The following CD247 variants were observed in gnomAD, a reference collection of about 807,000 sequenced individuals.
CD247 encodes the protein T-cell surface glycoprotein CD3 zeta chain.
Under a neutral mutation model 30.0 loss-of-function variants are expected in CD247, and 13 were observed. The ratio of observed to expected loss-of-function variants is 0.43; its 90% CI spans 0.28 to 0.69. The LOEUF (loss-of-function observed/expected upper bound fraction) is 0.69. Among genes scored for constraint, CD247 ranks in the 30% least tolerant of loss-of-function variants. The pLI is 0.16. For synonymous variants in CD247, 72 were observed against 80.0 expected, an observed-to-expected ratio of 0.90 and a Z score of 0.53; for missense variants, 193 against 212.6, an observed-to-expected ratio of 0.91 and a Z score of 0.57.
intron 1 of CD247, among the ~76,000 whole-genome samples, chr1:167,470,806 T>C (rs1343478894): frequency 6.6e-6 from 1 of 151,892 alleles, no homozygotes; most frequent in African/African-American, 2.4e-5. Flanking sequence ...TGATTTTTAG[T>C]ATTATAGTGC....
chr1:167,433,161 G>A (rs1651360024), intron 6 of CD247, 102 bp from the exon 7 acceptor site: 6 of 1,185,518 alleles, frequency 5.1e-6, no homozygotes, highest in Non-Finnish European at 7.6e-6. Context: ...GGAAGTCAGA[G>A]GTAACTGTCT....
At chr1:167,517,648 G>A (rs372927716) in intron 1 of CD247, among the ~76,000 whole-genome samples, 101 of 152,334 alleles carry the variant, frequency 6.6e-4, no homozygotes, top group Middle Eastern at 3.4e-3. Context: ...CATCTGCCCC[G>A]TGTTCTGTCA....
chr1:167,452,411 C>G (rs376495402), intron 1 of CD247, among the ~76,000 whole-genome samples: 1 of 104,668 alleles, frequency 9.6e-6, no homozygotes, highest in African/African-American at 4.1e-5. Flanking sequence ...AAGACTCTAT[C>G]AAAAAAAAAA....
At chr1:167,444,053 C>A (rs1651961049) in intron 1 of CD247, among the ~76,000 whole-genome samples, 2 of 152,222 alleles carry the variant, frequency 1.3e-5, no homozygotes, top group Non-Finnish European at 2.9e-5. Flanking sequence ...ACTTCTCTTG[C>A]CACTTACTAG....
intron 1 of CD247, among the ~76,000 whole-genome samples, chr1:167,491,972 C>T (rs181665137): frequency 4.6e-5 from 7 of 151,968 alleles, no homozygotes; most frequent in Non-Finnish European, 8.8e-5. Context: ...TGGGAGGAGG[C>T]GGGAATGGGG....
At chr1:167,486,737 G>A (rs1654224835) in intron 1 of CD247, among the ~76,000 whole-genome samples, 1 of 152,188 alleles carries the variant, frequency 6.6e-6, no homozygotes, top group Non-Finnish European at 1.5e-5. Context: ...CCACTTATGC[G>A]GGCCACTGCA....
At chr1:167,517,165 G>C (rs1213396726) in intron 1 of CD247, among the ~76,000 whole-genome samples, 1 of 152,208 alleles carries the variant, frequency 6.6e-6, no homozygotes. Context: ...ACCCCACAAG[G>C]CTTTTCTGAG....
In CD247 at chr1:167,497,036, G is replaced by A. The variant is rs548901527; in HGVS notation, c.58+21372C>T. 3.9e-5 allele frequency among the ~76,000 whole-genome samples: 6 copies of A among 152,322 alleles called. No individual in the cohort carries two copies. The East Asian group carries it at 1.2e-3, about 29-fold the overall frequency. ...TGAGCACAGATGTATGCACAGGAAT[G>A]TCCACAGTGACACTATTCATAATGC... On this transcript the variant is annotated intron_variant, in intron 1 of 7. Transcript: ENST00000362089.
In CD247 at chr1:167,435,442, A is replaced by G. The variant is rs777362511; in HGVS notation, c.301-8T>C. On this transcript the variant is annotated splice_polypyrimidine_tract_variant and splice_region_variant and intron_variant, in intron 4 of 7. Transcript: ENST00000362089. Reference sequence around the variant, plus strand: ...AGGGTTCTTCCTTCTCTGCTAGGAAAGACAACGGGAAGACGTTAGAGGGAG... The same window carrying G: ...AGGGTTCTTCCTTCTCTGCTAGGAAGGACAACGGGAAGACGTTAGAGGGAG... 4 of 1,610,654 alleles carry G rather than the reference A, an allele frequency of 2.5e-6. No homozygotes were observed. In the South Asian group the frequency reaches 4.4e-5, roughly 18 times the overall value.
At chr1:167,501,260 T>C (rs1654895661) in intron 1 of CD247, among the ~76,000 whole-genome samples, 1 of 151,956 alleles carries the variant, frequency 6.6e-6, no homozygotes, top group Non-Finnish European at 1.5e-5. Context: ...GGTTTCTCCA[T>C]GTTGGCCAGG....
At chr1:167,459,003 C>A (rs1652862888) in intron 1 of CD247, among the ~76,000 whole-genome samples, 1 of 151,324 alleles carries the variant, frequency 6.6e-6, no homozygotes, top group Non-Finnish European at 1.5e-5. Flanking sequence ...AGCACTGTGG[C>A]GTGCGCCTGT....
In CD247 at chr1:167,431,751, C is replaced by T. The variant is rs767214938; in HGVS notation, c.430-5G>A. The T allele has an allele frequency of 4.4e-5, 71 of 1,613,604 alleles. No homozygotes were observed. The East Asian group carries it at 7.4e-4, about 17-fold the overall frequency. ...CTTGGTGGCTGTACTGAGACCCTGG[C>T]GTGAAAGCAAATCAGAAAACAAAGA... On this transcript the variant is annotated splice_polypyrimidine_tract_variant and splice_region_variant and intron_variant, in intron 7 of 7. Coordinates refer to ENST00000362089, the MANE Select transcript of CD247 (RefSeq NM_198053.3).
At chr1:167,446,585 A>G (rs1652088559) in intron 1 of CD247, among the ~76,000 whole-genome samples, 1 of 152,172 alleles carries the variant, frequency 6.6e-6, no homozygotes, top group African/African-American at 2.4e-5. Context: ...GAGTGACAGC[A>G]GGGGATGGCC....
chr1:167,506,708 A>G (rs781086138), intron 1 of CD247, among the ~76,000 whole-genome samples: 1 of 152,134 alleles, frequency 6.6e-6, no homozygotes, highest in Non-Finnish European at 1.5e-5. Context: ...TACACTTTAC[A>G]TGAGAGATGC....
intron 4 of CD247, among the ~76,000 whole-genome samples, chr1:167,438,277 C>T (rs149854153): frequency 1.3e-5 from 2 of 152,184 alleles, no homozygotes; most frequent in Non-Finnish European, 2.9e-5. Context: ...ATGGCGTCAC[C>T]GTATGTGCAT....
chr1:167,495,737 C>T (rs995971782), intron 1 of CD247, among the ~76,000 whole-genome samples: 1 of 152,200 alleles, frequency 6.6e-6, no homozygotes, highest in African/African-American at 2.4e-5. Flanking sequence ...CATACCACCT[C>T]TTTGCAGTTC....
intron 1 of CD247, among the ~76,000 whole-genome samples, chr1:167,483,941 G>A (rs772484388): frequency 1.3e-5 from 2 of 152,274 alleles, no homozygotes; most frequent in African/African-American, 2.4e-5. Context: ...GCTGGCTGCA[G>A]TGGTAGCAGG....
chr1:167,461,424 G>A (rs184463553), intron 1 of CD247, among the ~76,000 whole-genome samples: 1 of 152,340 alleles, frequency 6.6e-6, no homozygotes, highest in East Asian at 1.9e-4. Flanking sequence ...AAAGAGACTG[G>A]AAGAAATTAC....
intron 1 of CD247, among the ~76,000 whole-genome samples, chr1:167,455,505 C>T (rs2102018228): frequency 1.3e-5 from 2 of 152,340 alleles, no homozygotes; most frequent in South Asian, 4.1e-4. Context: ...GGCTCCCAGC[C>T]CCGTGTTGCC....
Sources: gnomAD v4.1 joint callset for allele counts (sites outside exome capture counted in the v4.1 genomes callset) on GRCh38, gnomAD v4.1.1 for gene constraint, MANE v1.5 for transcripts, NCBI Gene and HGNC (gene_info 2026-07-23, HGNC 2026-07-21) for gene names.